The following SERPINI2 variants were observed in gnomAD, a reference collection of about 807,000 sequenced individuals.
SERPINI2 encodes the protein serpin I2.
A neutral mutation model predicts 47.3 loss-of-function variants in SERPINI2; 48 were observed. The observed-to-expected ratio is 1.02, with a 90% CI of 0.81 to 1.29. The LOEUF (loss-of-function observed/expected upper bound fraction) is 1.29. SERPINI2 is among the 50% of genes most tolerant of loss of function. The pLI, the probability that SERPINI2 is intolerant of heterozygous loss-of-function variation, is 0.00. For missense variants in SERPINI2, 448 were observed against 456.9 expected (o/e 0.98, Z 0.18); for synonymous variants, 135 against 149.3 (o/e 0.90, Z 0.70).
intron 5 of SERPINI2, among the ~76,000 whole-genome samples, chr3:167,458,397 C>T (rs1402213964): frequency 2.0e-5 from 3 of 150,732 alleles, no homozygotes; most frequent in Non-Finnish European, 3.0e-5. Flanking sequence ...ACTACAGGCG[C>T]CTGCCACCAC....
chr3:167,444,759 G>A (rs1749424351), intron 8 of SERPINI2, among the ~76,000 whole-genome samples: 1 of 152,122 alleles, frequency 6.6e-6, no homozygotes. Context: ...AGTTCAAACT[G>A]TCATTAAGAC....
intron 8 of SERPINI2, among the ~76,000 whole-genome samples, chr3:167,445,702 C>A (rs1749459522): frequency 6.6e-6 from 1 of 152,184 alleles, no homozygotes; most frequent in Non-Finnish European, 1.5e-5. Context: ...GGATCCTAAA[C>A]ATAAACTTGA....
At chr3:167,465,214 G>C (rs1209207751) in exon 5 of SERPINI2, 2 of 1,608,388 alleles carry the variant, frequency 1.2e-6, no homozygotes, top group South Asian at 2.2e-5. Flanking sequence ...ACCTAGGGAG[G>C]CTTATTTCTA....
At chr3:167,443,085 G>A (rs934889565) in intron 8 of SERPINI2, among the ~76,000 whole-genome samples, 1 of 152,160 alleles carries the variant, frequency 6.6e-6, no homozygotes, top group African/African-American at 2.4e-5. Context: ...AACTCCAGCA[G>A]ATTTTATTTT....
At chr3:167,473,819 C>T (rs1291463925) in intron 1 of SERPINI2, 184 bp downstream of exon 1, 55 of 1,400,792 alleles carry the variant, frequency 3.9e-5, no homozygotes, top group Non-Finnish European at 4.7e-5. Context: ...CCTATAAGAA[C>T]TGGATCTTCT....
chr3:167,468,419 G>T (rs1750208889), intron 2 of SERPINI2, among the ~76,000 whole-genome samples: 1 of 151,876 alleles, frequency 6.6e-6, no homozygotes, highest in African/African-American at 2.4e-5. Flanking sequence ...CCCTCTCTGG[G>T]GGCTGGGCAG....
chr3:167,456,623 C>A (rs1002371951), intron 5 of SERPINI2, among the ~76,000 whole-genome samples: 1 of 152,198 alleles, frequency 6.6e-6, no homozygotes, highest in African/African-American at 2.4e-5. Context: ...GCCCTACAGT[C>A]ACCTGTTTTC....
chr3:167,469,273 G>T (rs888047646), intron 2 of SERPINI2: 2 of 152,232 alleles, frequency 1.3e-5, no homozygotes, highest in East Asian at 1.9e-4. Context: ...TGATTTGATT[G>T]TACCAGACCT....
At chr3:167,448,898 G>A (rs528675930) in intron 7 of SERPINI2, among the ~76,000 whole-genome samples, 4 of 152,222 alleles carry the variant, frequency 2.6e-5, no homozygotes, top group South Asian at 2.1e-4. Flanking sequence ...CTGCCACAGA[G>A]ATAATAACAA....
intron 5 of SERPINI2, among the ~76,000 whole-genome samples, chr3:167,453,958 CTTTG>C (rs962534757): frequency 4.6e-5 from 7 of 152,250 alleles, no homozygotes; most frequent in African/African-American, 1.7e-4. Flanking sequence ...AGATCAGAAA[CTTTG>C]TTTATGAAAG....
chr3:167,446,609 C>A, intron 7 of SERPINI2, 128 bp from the exon 8 acceptor site: 3 of 548,732 alleles, frequency 5.5e-6, no homozygotes, highest in Admixed American at 3.5e-5. Context: ...GGAAAAATAA[C>A]CATTTTCTAA....
At chr3:167,442,660 T>G (rs1022573402) in intron 8 of SERPINI2, among the ~76,000 whole-genome samples, 4 of 152,206 alleles carry the variant, frequency 2.6e-5, no homozygotes, top group Admixed American at 2.6e-4. Context: ...TTACTTTACC[T>G]CCAATGACAA....
At chr3:167,472,490 C>T (rs1006006664) in intron 1 of SERPINI2, among the ~76,000 whole-genome samples, 1 of 151,780 alleles carries the variant, frequency 6.6e-6, no homozygotes, top group Non-Finnish European at 1.5e-5. Flanking sequence ...ATAAATGATA[C>T]AATAAAGTAC....
intron 8 of SERPINI2, among the ~76,000 whole-genome samples, chr3:167,445,658 A>T (rs7647021): frequency 0.19 from 29,046 of 152,126 alleles, 4,117 homozygotes; most frequent in African/African-American, 0.39. Flanking sequence ...ATCCTGTGGT[A>T]TGTAACTCTC....
intron 5 of SERPINI2, among the ~76,000 whole-genome samples, chr3:167,460,345 C>G (rs1286350993): frequency 6.6e-6 from 1 of 152,206 alleles, no homozygotes; most frequent in Non-Finnish European, 1.5e-5. Context: ...CTACCAAACA[C>G]ATATTTTAAA....
At chr3:167,453,684 G>A (rs1749708498) in intron 5 of SERPINI2, among the ~76,000 whole-genome samples, 1 of 151,080 alleles carries the variant, frequency 6.6e-6, no homozygotes, top group Admixed American at 6.6e-5. Context: ...AAAAAAAGGA[G>A]GTAGCCACTG....
At chr3:167,454,325 G>C (rs1290190546) in intron 5 of SERPINI2, among the ~76,000 whole-genome samples, 1 of 152,128 alleles carries the variant, frequency 6.6e-6, no homozygotes, top group African/African-American at 2.4e-5. Context: ...TTTGGAAGAT[G>C]GTAACTCATT....
chr3:167,471,623 A>AAAG, exon 2 of SERPINI2: 1 of 1,613,628 alleles, frequency 6.2e-7, no homozygotes, highest in East Asian at 2.2e-5. Context: ...AGTTTGTCTT[A>AAAG]TCTGCTGCTG....
chr3:167,465,323 AT>A lies in SERPINI2; in HGVS notation c.748del (p.Ile250SerfsTer10). ...ATCCATACCTTCTGCAGGAAGTATGATAATTAAGCTAAATTCATCACCTTTG... is the reference window on the plus strand; with the variant it reads ...ATCCATACCTTCTGCAGGAAGTATGAAATTAAGCTAAATTCATCACCTTTG... On this transcript the variant is annotated frameshift_variant, in exon 5 of 9. Coordinates refer to ENST00000264677, the Ensembl canonical transcript of SERPINI2. LOFTEE classifies it high-confidence loss of function. 3 of 1,613,052 alleles carry A rather than the reference AT, an allele frequency of 1.9e-6. No homozygotes were observed. Among genetic ancestry groups the A allele is most frequent in the Non-Finnish European group, 2.5e-6 (3 of 1,179,704 alleles).
Sources: allele counts gnomAD v4.1 joint callset (sites outside exome capture counted in the v4.1 genomes callset), GRCh38; gene constraint gnomAD v4.1.1; transcripts MANE v1.5; gene names NCBI Gene and HGNC (gene_info 2026-07-23, HGNC 2026-07-21).